ARHGAP15: variants seen among roughly 807,000 people sequenced by gnomAD.
ARHGAP15 encodes the protein Rho GTPase activating protein 15.
A neutral mutation model predicts 63.7 loss-of-function variants in ARHGAP15; 51 were observed. The ratio of observed to expected loss-of-function variants is 0.80; its 90% CI spans 0.64 to 1.01. ARHGAP15 has a LOEUF of 1.01. Among genes scored for constraint, ARHGAP15 ranks in the 50% least tolerant of loss-of-function variants. The pLI is 0.00. For synonymous variants in ARHGAP15, 191 were observed against 193.8 expected, an observed-to-expected ratio of 0.99 and a Z score of 0.12; for missense variants, 560 against 564.6, an observed-to-expected ratio of 0.99 and a Z score of 0.08.
At chr2:143,661,793 G>A (rs531260865) in intron 12 of ARHGAP15, among the ~76,000 whole-genome samples, 21 of 152,104 alleles carry the variant, frequency 1.4e-4, no homozygotes, top group Admixed American at 6.5e-5. Context: ...TTCCCTTTCC[G>A]AGTCAAAGGG....
intron 12 of ARHGAP15, among the ~76,000 whole-genome samples, chr2:143,656,594 A>G (rs1681446582): frequency 6.6e-6 from 1 of 152,232 alleles, no homozygotes; most frequent in Admixed American, 6.5e-5. Flanking sequence ...CTTGAAGGTG[A>G]TAATGTTCTG....
intron 13 of ARHGAP15, among the ~76,000 whole-genome samples, chr2:143,730,843 T>C (rs570175903): frequency 6.6e-6 from 1 of 150,476 alleles, no homozygotes; most frequent in Admixed American, 6.6e-5. Context: ...GTTGGTTTTG[T>C]TTTTAATTTT....
intron 6 of ARHGAP15, among the ~76,000 whole-genome samples, chr2:143,302,470 TGTG>T (rs1682949099): frequency 6.6e-6 from 1 of 152,014 alleles, no homozygotes; most frequent in African/African-American, 2.4e-5. Context: ...TTCAGTCCAA[TGTG>T]GTGTGAAATT....
chr2:143,589,801 T>A (rs1246230153), intron 11 of ARHGAP15, among the ~76,000 whole-genome samples: 1 of 152,194 alleles, frequency 6.6e-6, no homozygotes, highest in Admixed American at 6.5e-5. Context: ...CACTAAAGCT[T>A]GGAAGTAATT....
chr2:143,398,436 A>G (rs1414025171), intron 6 of ARHGAP15, among the ~76,000 whole-genome samples: 1 of 152,094 alleles, frequency 6.6e-6, no homozygotes, highest in Admixed American at 6.6e-5. Flanking sequence ...TCCAGAAAAC[A>G]CTGAGGCACA....
At chr2:143,566,528 A>C (rs1696230704) in intron 11 of ARHGAP15, among the ~76,000 whole-genome samples, 1 of 152,136 alleles carries the variant, frequency 6.6e-6, no homozygotes, top group Middle Eastern at 3.2e-3. Flanking sequence ...AATGTGAATT[A>C]GTGGGAAAAT....
chr2:143,157,124 T>C (rs1475075296), intron 2 of ARHGAP15, among the ~76,000 whole-genome samples: 1 of 151,960 alleles, frequency 6.6e-6, no homozygotes, highest in Non-Finnish European at 1.5e-5. Context: ...GTGATCCATC[T>C]CTCAATGAAT....
At chr2:143,308,672 T>G (rs1683293958) in intron 6 of ARHGAP15, among the ~76,000 whole-genome samples, 1 of 152,094 alleles carries the variant, frequency 6.6e-6, no homozygotes. Context: ...ATGTGATAAC[T>G]GTAAAATCAT....
At chr2:143,655,806 G>T (rs1035042946) in intron 12 of ARHGAP15, among the ~76,000 whole-genome samples, 21 of 151,872 alleles carry the variant, frequency 1.4e-4, no homozygotes, top group Non-Finnish European at 1.5e-5. Flanking sequence ...CCTCACCAAG[G>T]TTGCCCCACC....
At chr2:143,532,464 G>T (rs1694562278) in intron 10 of ARHGAP15, among the ~76,000 whole-genome samples, 1 of 152,072 alleles carries the variant, frequency 6.6e-6, no homozygotes, top group Non-Finnish European at 1.5e-5. Context: ...CACCAGTAAG[G>T]TTTCTTTTCA....
intron 11 of ARHGAP15, among the ~76,000 whole-genome samples, chr2:143,569,239 T>A (rs1247023107): frequency 6.6e-6 from 1 of 152,230 alleles, no homozygotes; most frequent in Non-Finnish European, 1.5e-5. Flanking sequence ...TCAAAAATAT[T>A]TCTTGAAAAC....
At chr2:143,654,370 A>G (rs1031778760) in intron 12 of ARHGAP15, among the ~76,000 whole-genome samples, 7 of 152,254 alleles carry the variant, frequency 4.6e-5, no homozygotes, top group Admixed American at 3.9e-4. Context: ...ACTATAACTT[A>G]CTCAAAAAGG....
chr2:143,281,060 C>T (rs1235233477), intron 6 of ARHGAP15, among the ~76,000 whole-genome samples: 1 of 152,062 alleles, frequency 6.6e-6, no homozygotes, highest in Non-Finnish European at 1.5e-5. Flanking sequence ...TAAAACATCA[C>T]TAAGACAGTT....
intron 13 of ARHGAP15, among the ~76,000 whole-genome samples, chr2:143,763,920 T>A (rs1047008529): frequency 2.2e-4 from 34 of 151,346 alleles, no homozygotes; most frequent in African/African-American, 6.8e-4. Flanking sequence ...TAATTTTTTT[T>A]AAAGTTACTA....
At chr2:143,590,591 C>T (rs1428257029) in intron 11 of ARHGAP15, among the ~76,000 whole-genome samples, 2 of 152,180 alleles carry the variant, frequency 1.3e-5, no homozygotes, top group Non-Finnish European at 2.9e-5. Context: ...TTTCCTCACC[C>T]CCAACCATCC....
intron 8 of ARHGAP15, among the ~76,000 whole-genome samples, chr2:143,448,776 A>G (rs780267030): frequency 1.3e-4 from 20 of 152,056 alleles, no homozygotes; most frequent in African/African-American, 4.6e-4. Flanking sequence ...GTTAGTAAAT[A>G]TGGCCTCTCC....
chr2:143,460,640 AT>A (rs937600954), intron 8 of ARHGAP15, among the ~76,000 whole-genome samples: 4 of 152,048 alleles, frequency 2.6e-5, no homozygotes, highest in East Asian at 1.9e-4. Flanking sequence ...TTTTAATATC[AT>A]TTTTTCCCTC....
chr2:143,645,878 C>G (rs140756714), intron 12 of ARHGAP15, among the ~76,000 whole-genome samples: 1 of 151,986 alleles, frequency 6.6e-6, no homozygotes, highest in South Asian at 2.1e-4. Flanking sequence ...ATCTCTTTGG[C>G]CAAGTTTTTG....
At chr2:143,276,952 G>A (rs1366425080) in intron 6 of ARHGAP15, among the ~76,000 whole-genome samples, 1 of 152,158 alleles carries the variant, frequency 6.6e-6, no homozygotes, top group African/African-American at 2.4e-5. Flanking sequence ...AAAAACTTCA[G>A]AGTGATTTAG....
Sources: allele counts gnomAD v4.1 joint callset (sites outside exome capture counted in the v4.1 genomes callset), GRCh38; gene constraint gnomAD v4.1.1; transcripts MANE v1.5; gene names NCBI Gene and HGNC (gene_info 2026-07-23, HGNC 2026-07-21).